DEPDC4: variants seen among roughly 807,000 people sequenced by gnomAD.
The protein encoded by DEPDC4 is DEP domain-containing protein 4.
Under a neutral mutation model 52.0 loss-of-function variants are expected in DEPDC4, and 52 were observed. The observed-to-expected ratio is 1.00, with a 90% CI of 0.80 to 1.26. DEPDC4 has a LOEUF of 1.26. Ranked by LOEUF, DEPDC4 falls within the 50% of genes most tolerant of loss-of-function variation. The pLI is 0.00. For synonymous variants in DEPDC4, 201 were observed against 196.8 expected (o/e 1.02, Z -0.18); for missense variants, 530 against 546.9 (o/e 0.97, Z 0.31).
the DEPDC4 span, among the ~76,000 whole-genome samples, chr12:100,279,538 T>C: frequency 6.6e-6 from 1 of 152,260 alleles, no homozygotes; most frequent in African/African-American, 2.4e-5. Flanking sequence ...GTATCTGAAT[T>C]TTTTTGTGCA....
chr12:100,248,347 T>A (rs1405816800), intron 8 of DEPDC4, among the ~76,000 whole-genome samples: 1 of 152,198 alleles, frequency 6.6e-6, no homozygotes, highest in African/African-American at 2.4e-5. Flanking sequence ...GATATACCTA[T>A]TAGGCTATTT....
At chr12:100,251,657 T>G (rs147852568) in intron 7 of DEPDC4, among the ~76,000 whole-genome samples, 69 of 151,752 alleles carry the variant, frequency 4.5e-4, no homozygotes, top group African/African-American at 1.5e-3. Flanking sequence ...AACCTCCGCC[T>G]CCCAGGTTCA....
At chr12:100,276,742 TTAAA>T in the DEPDC4 span, among the ~76,000 whole-genome samples, 4 of 152,126 alleles carry the variant, frequency 2.6e-5, no homozygotes, top group South Asian at 4.1e-4. Flanking sequence ...CATTTCTCTA[TTAAA>T]TAAAGTATTA....
At chr12:100,252,638 G>T in intron 5 of DEPDC4, 102 bp from the exon 6 acceptor site, 1 of 1,149,124 alleles carries the variant, frequency 8.7e-7, no homozygotes, top group Non-Finnish European at 1.2e-6. Flanking sequence ...TGTTGTATTA[G>T]TTTGCAGGTT....
At chr12:100,265,910 G>A (rs1305515264) in intron 1 of DEPDC4, among the ~76,000 whole-genome samples, 4 of 152,140 alleles carry the variant, frequency 2.6e-5, no homozygotes, top group African/African-American at 9.6e-5. Context: ...GATGAAAGAG[G>A]ATGTACCCTT....
chr12:100,257,827 C>T (rs1029103569), intron 3 of DEPDC4: 2 of 152,216 alleles, frequency 1.3e-5, no homozygotes, highest in African/African-American at 4.8e-5. Flanking sequence ...ACAAAAGCAA[C>T]AGTTATAGTA....
At chr12:100,237,577 T>G (rs2096143398), downstream of DEPDC4, among the ~76,000 whole-genome samples, 1 of 152,170 alleles carries the variant, frequency 6.6e-6, no homozygotes, top group Non-Finnish European at 1.5e-5. Context: ...CATTGAATTG[T>G]AGACTTCAGA....
At chr12:100,263,928 TAGATTATACAAAA>T (rs769793050) in intron 1 of DEPDC4, 35 bp from the exon 2 acceptor site, 3 of 1,556,174 alleles carry the variant, frequency 1.9e-6, no homozygotes, top group Non-Finnish European at 2.6e-6. Flanking sequence ...CTAACAAATC[TAGATTATACAAAA>T]ATATGCAAAT....
chr12:100,239,268 G>C (rs1397720652), downstream of DEPDC4, among the ~76,000 whole-genome samples: 5 of 152,012 alleles, frequency 3.3e-5, no homozygotes, highest in African/African-American at 1.2e-4. Context: ...TAGAGATGGG[G>C]TTTCACCATG....
intron 8 of DEPDC4, among the ~76,000 whole-genome samples, chr12:100,245,706 T>A (rs1007279387): frequency 2.0e-5 from 3 of 152,222 alleles, no homozygotes; most frequent in Non-Finnish European, 4.4e-5. Flanking sequence ...TGTGTTGTCA[T>A]AGTAGTCTCC....
chr12:100,231,867 C>T (rs2096135304), intron 9 of DEPDC4, among the ~76,000 whole-genome samples: 2 of 151,780 alleles, frequency 1.3e-5, no homozygotes, highest in Non-Finnish European at 2.9e-5. Flanking sequence ...GTCGCTTGAA[C>T]CTGAGAGGCA....
At chr12:100,276,397 A>G in the DEPDC4 span, among the ~76,000 whole-genome samples, 2 of 152,266 alleles carry the variant, frequency 1.3e-5, no homozygotes, top group East Asian at 1.9e-4. Context: ...GAGTGGCACA[A>G]TCATGGCTCA....
intron 3 of DEPDC4, among the ~76,000 whole-genome samples, chr12:100,256,600 A>G (rs2096233683): frequency 6.6e-6 from 1 of 151,604 alleles, no homozygotes; most frequent in African/African-American, 2.4e-5. Context: ...AGCAACATAG[A>G]TAATTGTAGT....
chr12:100,261,211 T>C (rs1344707585), intron 3 of DEPDC4, among the ~76,000 whole-genome samples: 1 of 152,062 alleles, frequency 6.6e-6, no homozygotes, highest in East Asian at 1.9e-4. Context: ...AGTTCTCTTT[T>C]AGTTCTTCTT....
chr12:100,236,995 G>A (rs962861997), downstream of DEPDC4, among the ~76,000 whole-genome samples: 6 of 152,016 alleles, frequency 3.9e-5, no homozygotes, highest in African/African-American at 1.2e-4. Flanking sequence ...TTGGCTATAC[G>A]TATTTGGGTT....
At chr12:100,255,460 C>T (rs1376241543) in intron 4 of DEPDC4, among the ~76,000 whole-genome samples, 2 of 152,146 alleles carry the variant, frequency 1.3e-5, no homozygotes, top group African/African-American at 4.8e-5. Flanking sequence ...TTGTTTGGCT[C>T]ACATGGGAGG....
At chr12:100,262,212 A>T in intron 3 of DEPDC4, 52 bp downstream of exon 3, 1 of 1,554,582 alleles carries the variant, frequency 6.4e-7, no homozygotes, top group African/African-American at 1.4e-5. Context: ...CCTGTTAAAA[A>T]GAAGTTAGTT....
chr12:100,240,432 G>A lies in DEPDC4; in HGVS notation c.*1460C>T, dbSNP rs190016554. On this transcript the variant is annotated 3_prime_UTR_variant, in exon 10 of 10. Coordinates refer to ENST00000550587, the MANE Select transcript of DEPDC4 (RefSeq NM_001364818.2). Reference sequence around the variant, plus strand: ...CCCCTCTCCCTGGCCTCCCAAAAGTGCCGGGACTACAGGCATGGGCCACCA... The same window carrying A: ...CCCCTCTCCCTGGCCTCCCAAAAGTACCGGGACTACAGGCATGGGCCACCA... Among the ~76,000 whole-genome samples the A allele has an allele frequency of 2.3e-4, 35 of 152,286 alleles. No individual in the cohort carries two copies. Among genetic ancestry groups the A allele is most frequent in the African/African-American group, 7.9e-4 (33 of 41,566 alleles).
chr12:100,235,525 C>G (rs1399427383), downstream of DEPDC4, among the ~76,000 whole-genome samples: 2 of 151,894 alleles, frequency 1.3e-5, no homozygotes, highest in African/African-American at 4.8e-5. Context: ...TTATCCCTTA[C>G]CCCTTTCCCA....
Sources: allele counts gnomAD v4.1 joint callset (sites outside exome capture counted in the v4.1 genomes callset), GRCh38; gene constraint gnomAD v4.1.1; transcripts MANE v1.5; gene names NCBI Gene and HGNC (gene_info 2026-07-23, HGNC 2026-07-21).